Variants in GRIN2B observed in about 807,000 individuals in gnomAD.
GRIN2B encodes the protein glutamate ionotropic receptor NMDA type subunit 2B, also known as glutamate receptor ionotropic, NMDA 2B.
A neutral mutation model predicts 114.5 loss-of-function variants in GRIN2B; 5 were observed. The observed-to-expected ratio is 0.04, with a 90% CI of 0.02 to 0.09. GRIN2B has a LOEUF of 0.09. Ranked by LOEUF, GRIN2B falls within the 10% of genes least tolerant of loss-of-function variation. The pLI is 1.00. For synonymous variants in GRIN2B, 787 were observed against 745.1 expected (o/e 1.06, Z -0.92); for missense variants, 1,108 against 1,943.5 (o/e 0.57, Z 8.08).
At chr12:13,938,591 G>A (rs886900854) in intron 2 of GRIN2B, among the ~76,000 whole-genome samples, 3 of 152,124 alleles carry the variant, frequency 2.0e-5, no homozygotes, top group African/African-American at 7.2e-5. Flanking sequence ...AATAAAATAG[G>A]CAAATCTCAG....
At chr12:13,918,009 C>T (rs959673435) in intron 2 of GRIN2B, among the ~76,000 whole-genome samples, 2 of 152,002 alleles carry the variant, frequency 1.3e-5, no homozygotes, top group African/African-American at 4.8e-5. Flanking sequence ...CTGGCAATAT[C>T]AATGATAGAA....
chr12:13,895,026 G>A (rs1295947140), intron 2 of GRIN2B, among the ~76,000 whole-genome samples: 1 of 152,168 alleles, frequency 6.6e-6, no homozygotes, highest in Non-Finnish European at 1.5e-5. Context: ...ACCCTCATTT[G>A]TGTGTATATA....
At chr12:13,809,933 C>T (rs553812365) in intron 3 of GRIN2B, among the ~76,000 whole-genome samples, 11 of 152,210 alleles carry the variant, frequency 7.2e-5, no homozygotes, top group African/African-American at 2.2e-4. Flanking sequence ...TCATCTTGTG[C>T]CTCTCTCCCC....
At chr12:13,948,031 G>A (rs1255222115) in intron 2 of GRIN2B, among the ~76,000 whole-genome samples, 1 of 152,126 alleles carries the variant, frequency 6.6e-6, no homozygotes, top group Non-Finnish European at 1.5e-5. Flanking sequence ...GGCCCTGAAA[G>A]TATGGTATTT....
At chr12:13,685,086 C>T (rs771423425) in intron 4 of GRIN2B, among the ~76,000 whole-genome samples, 1 of 152,146 alleles carries the variant, frequency 6.6e-6, no homozygotes. Context: ...TGGGTAAGAA[C>T]CTAAAGTGAC....
intron 3 of GRIN2B, among the ~76,000 whole-genome samples, chr12:13,794,789 C>T (rs1318534518): frequency 1.3e-5 from 2 of 152,262 alleles, no homozygotes; most frequent in East Asian, 3.8e-4. Flanking sequence ...TCTGTTCAGC[C>T]ATGACAATCT....
intron 3 of GRIN2B, among the ~76,000 whole-genome samples, chr12:13,864,261 C>T (rs1865790236): frequency 6.6e-6 from 1 of 152,210 alleles, no homozygotes; most frequent in Non-Finnish European, 1.5e-5. Context: ...TCATCTCTGC[C>T]TGCTGCCGAC....
chr12:13,813,962 A>G (rs1565547592), intron 3 of GRIN2B, among the ~76,000 whole-genome samples: 2 of 152,230 alleles, frequency 1.3e-5, no homozygotes, highest in South Asian at 2.1e-4. Flanking sequence ...CTCATGCATC[A>G]TCATGGATTC....
At chr12:13,652,548 G>C (rs1170349253) in intron 5 of GRIN2B, among the ~76,000 whole-genome samples, 3 of 151,956 alleles carry the variant, frequency 2.0e-5, no homozygotes, top group African/African-American at 7.2e-5. Flanking sequence ...GCAAGGAGGT[G>C]AGGAAGGTAT....
At chr12:13,962,843 G>A (rs555349456) in intron 2 of GRIN2B, among the ~76,000 whole-genome samples, 1 of 152,330 alleles carries the variant, frequency 6.6e-6, no homozygotes, top group South Asian at 2.1e-4. Context: ...CAAAATTGCT[G>A]CCACCTCGTC....
chr12:13,727,396 A>G (rs1449407465), intron 4 of GRIN2B, among the ~76,000 whole-genome samples: 1 of 150,462 alleles, frequency 6.6e-6, no homozygotes, highest in Non-Finnish European at 1.5e-5. Context: ...CAATTTCACA[A>G]AGGATGTTCA....
intron 2 of GRIN2B, among the ~76,000 whole-genome samples, chr12:13,869,231 CT>C (rs1158566763): frequency 3.2e-5 from 4 of 126,058 alleles, no homozygotes; most frequent in South Asian, 2.6e-4. Flanking sequence ...TTTTCTTTTT[CT>C]TTTTTTTTCT....
chr12:13,895,155 A>G (rs545934279), intron 2 of GRIN2B, among the ~76,000 whole-genome samples: 1 of 152,298 alleles, frequency 6.6e-6, no homozygotes, highest in African/African-American at 2.4e-5. Context: ...TCCTCCTTCA[A>G]CAGATGAAGA....
Position 13,784,085 on chromosome 12 carries a change from A to G in GRIN2B, c.412-30170T>C, listed in dbSNP as rs564865419. 1.2e-4 allele frequency among the ~76,000 whole-genome samples: 18 copies of G among 151,968 alleles called. No homozygotes were observed. The East Asian group carries it at 2.3e-3, about 20-fold the overall frequency. On this transcript the variant is annotated intron_variant, in intron 3 of 13. Transcript: ENST00000609686. ...AAAAACTACAAAAAATTAGCCGGGC[A>G]TGGTGGCAGGCACCTGTAGTCCCAG...
At chr12:13,868,925 G>C (rs1433643496) in intron 2 of GRIN2B, among the ~76,000 whole-genome samples, 2 of 152,136 alleles carry the variant, frequency 1.3e-5, no homozygotes, top group Admixed American at 1.3e-4. Context: ...CATTAAAAGG[G>C]GATTCATTGA....
At chr12:13,628,785 C>G (rs568747470) in intron 5 of GRIN2B, among the ~76,000 whole-genome samples, 6 of 152,126 alleles carry the variant, frequency 3.9e-5, no homozygotes, top group Non-Finnish European at 8.8e-5. Context: ...ACAATATTTT[C>G]CAGACCACAA....
intron 2 of GRIN2B, among the ~76,000 whole-genome samples, chr12:13,875,396 G>A (rs959511537): frequency 2.6e-5 from 4 of 151,964 alleles, no homozygotes; most frequent in African/African-American, 7.2e-5. Context: ...GCATGGTGGC[G>A]AGCGCCTGTA....
chr12:13,820,241 A>G (rs150005105), intron 3 of GRIN2B, among the ~76,000 whole-genome samples: 72 of 152,266 alleles, frequency 4.7e-4, no homozygotes, highest in African/African-American at 1.5e-3. Context: ...TCAATGGCCA[A>G]ATACCAATGC....
chr12:13,669,621 G>A lies in GRIN2B; in HGVS notation c.1125+6124C>T, dbSNP rs959838883. On this transcript the variant is annotated intron_variant, in intron 5 of 13. Transcript: ENST00000609686. ...GGTGGAACAAAGTCTGTCCAGCTGTGCCCAAGCAGTCACCAACACTGCACT... is the reference window on the plus strand; with the variant it reads ...GGTGGAACAAAGTCTGTCCAGCTGTACCCAAGCAGTCACCAACACTGCACT... Among the ~76,000 whole-genome samples the A allele has an allele frequency of 2.0e-5, 3 of 152,206 alleles. No individual in the cohort carries two copies. The East Asian group carries it at 5.8e-4, about 30-fold the overall frequency.
Sources: gnomAD v4.1 joint callset for allele counts (sites outside exome capture counted in the v4.1 genomes callset) on GRCh38, gnomAD v4.1.1 for gene constraint, MANE v1.5 for transcripts, NCBI Gene and HGNC (gene_info 2026-07-23, HGNC 2026-07-21) for gene names.